Variants in PLEKHG6 observed in about 807,000 individuals in gnomAD.
PLEKHG6 encodes pleckstrin homology domain-containing family G member 6.
In PLEKHG6, 91 loss-of-function variants were observed where a neutral mutation model predicts 97.5. That is an observed-to-expected ratio of 0.93 (90% CI 0.79 to 1.11). PLEKHG6 has a LOEUF of 1.11. Among genes scored for constraint, PLEKHG6 ranks in the 50% most tolerant of loss-of-function variants. The pLI, the probability that PLEKHG6 is intolerant of heterozygous loss-of-function variation, is 0.00. For synonymous variants in PLEKHG6, 466 were observed against 425.5 expected, an observed-to-expected ratio of 1.10 and a Z score of -1.17; for missense variants, 1,044 against 1,031.0, an observed-to-expected ratio of 1.01 and a Z score of -0.17.
rs770005727 is a variant in PLEKHG6 at position 6,315,090 on chromosome 12, G to T, written c.380G>T (p.Arg127Leu). The T allele has an allele frequency of 6.2e-7, 1 of 1,613,372 alleles. No homozygotes were observed. The highest frequency in any genetic ancestry group is 1.3e-5 in the African/African-American group (1 of 74,920). Reference sequence around the variant, plus strand: ...CCCCGGCTGCCCCCTGAGGACCGGCGGCACTGGGAGATAGGAGAGGGTGGC... The same window carrying T: ...CCCCGGCTGCCCCCTGAGGACCGGCTGCACTGGGAGATAGGAGAGGGTGGC... ...GMPRLPPEDR[R>L]HWEIGEGGDS... The change falls in exon 4 of 16, where the codon CGG becomes CTG. Residue 127 changes from arginine (R) to leucine (L), a missense_variant. Coordinates refer to ENST00000684764, the MANE Select transcript of PLEKHG6 (RefSeq NM_001384598.1). The surrounding 1 kb of genome is among the most constrained non-coding windows in gnomAD (Gnocchi z 4.5).
At chr12:6,324,935 C>T (rs914905747) in intron 13 of PLEKHG6, among the ~76,000 whole-genome samples, 44 of 152,298 alleles carry the variant, frequency 2.9e-4, no homozygotes, top group African/African-American at 1.0e-3. Context: ...ACTAGAGGTC[C>T]TCTGCTGTGC....
chr12:6,324,299 C>CG (rs1555105543), intron 13 of PLEKHG6, among the ~76,000 whole-genome samples: 4 of 147,518 alleles, frequency 2.7e-5, no homozygotes, highest in African/African-American at 5.0e-5. Flanking sequence ...CCCTCCCCCC[C>CG]CCGCCGCCTC....
At chr12:6,314,260 T>C (rs181505962) in intron 3 of PLEKHG6, among the ~76,000 whole-genome samples, 22 of 152,216 alleles carry the variant, frequency 1.4e-4, no homozygotes, top group African/African-American at 5.1e-4. Flanking sequence ...CCCAGCACTT[T>C]GGGAGGCCAA....
chr12:6,328,142 A>G lies in PLEKHG6; in HGVS notation c.2370A>G (p.Val790=), dbSNP rs754130282. The change falls in exon 16 of 16, where the codon GTA becomes GTG. Residue 790 remains valine (V), a synonymous_variant. Transcript: ENST00000684764. Reference sequence around the variant, plus strand: ...CCCCCTCCTGTCTTTTCAGAGAGGTATGAGGAATGCAGAGGACCTTTGGCA... The same window carrying G: ...CCCCCTCCTGTCTTTTCAGAGAGGTGTGAGGAATGCAGAGGACCTTTGGCA... The part of the protein sequence containing the change: ...QLDTPLSASE[V] 1 of 1,614,056 alleles carries G rather than the reference A, an allele frequency of 6.2e-7. No homozygotes were observed. Among genetic ancestry groups the G allele is most frequent in the Non-Finnish European group, 8.5e-7 (1 of 1,179,928 alleles).
chr12:6,313,536 C>T, intron 2 of PLEKHG6, 93 bp from the exon 3 acceptor site: 2 of 1,448,482 alleles, frequency 1.4e-6, no homozygotes, highest in Non-Finnish European at 1.9e-6. Flanking sequence ...GGTGGGGGAA[C>T]AACATCTAGA....
Position 6,316,171 on chromosome 12 carries a change from C to G in PLEKHG6, c.607-84C>G. 1 of 1,368,174 alleles carries G rather than the reference C, an allele frequency of 7.3e-7. No individual in the cohort carries two copies. The highest frequency in any genetic ancestry group is 1.5e-5 in the African/African-American group (1 of 68,732). The allele number at this position is 1,368,174 out of a possible 1,614,324, so 84.8% of individuals were successfully genotyped here. On this transcript the variant is annotated intron_variant, in intron 6 of 15. Coordinates refer to ENST00000684764, the MANE Select transcript of PLEKHG6 (RefSeq NM_001384598.1). This position sits in a 1 kb window ranked among gnomAD's most constrained non-coding sequence, Gnocchi z 4.1. ...TTCACCCCCGCCCCTGCTGTCCAAGCTTAAGGTCCTCACCTTTCCTCAGCC... is the reference window on the plus strand; with the variant it reads ...TTCACCCCCGCCCCTGCTGTCCAAGGTTAAGGTCCTCACCTTTCCTCAGCC...
At chr12:6,322,995 G>T (rs537301327) in intron 13 of PLEKHG6, among the ~76,000 whole-genome samples, 1 of 152,354 alleles carries the variant, frequency 6.6e-6, no homozygotes, top group African/African-American at 2.4e-5. Context: ...AACTCCCCAG[G>T]ATAGCCAGTG....
rs1947916456 is a variant in PLEKHG6 at position 6,327,731 on chromosome 12, AG to A, written c.2149del (p.Glu717LysfsTer7). 1 of 1,553,356 alleles carries A rather than the reference AG, an allele frequency of 6.4e-7. No individual in the cohort carries two copies. Among genetic ancestry groups the A allele is most frequent in the Admixed American group, 2.0e-5 (1 of 49,364 alleles). ...SPWESSGEEE[E>X]EGPLFLKAGH... The stretch of plus-strand genomic sequence containing the variant: ...CCTGGGAGTCCTCAGGGGAGGAGGA[AG>A]AAGAGGGGCCTCTGTTCCTGAAAGC... On this transcript the variant is annotated frameshift_variant, in exon 15 of 16. Coordinates refer to ENST00000684764, the MANE Select transcript of PLEKHG6 (RefSeq NM_001384598.1). LOFTEE classifies it high-confidence loss of function.
Position 6,319,666 on chromosome 12 carries a change from C to A in PLEKHG6, c.1524+558C>A, listed in dbSNP as rs1459695949. Reference sequence around the variant, plus strand: ...CTGGGAGAGCCCAAGATACAGCATCCCCTGAAGGTTTGTACAGCCTGAAAT... The same window carrying A: ...CTGGGAGAGCCCAAGATACAGCATCACCTGAAGGTTTGTACAGCCTGAAAT... On this transcript the variant is annotated intron_variant, in intron 13 of 15. Coordinates refer to ENST00000684764, the MANE Select transcript of PLEKHG6 (RefSeq NM_001384598.1). 8 of 1,534,854 alleles carry A rather than the reference C, an allele frequency of 5.2e-6. No individual in the cohort carries two copies. In the South Asian group the frequency reaches 9.5e-5, roughly 18 times the overall value.
At chr12:6,313,593 G>C (rs1291616425) in intron 2 of PLEKHG6, 36 bp from the exon 3 acceptor site, 8 of 1,611,138 alleles carry the variant, frequency 5.0e-6, no homozygotes, top group African/African-American at 2.7e-5. Flanking sequence ...TGGGGAAAGG[G>C]AGGCACCCCC....
intron 3 of PLEKHG6, among the ~76,000 whole-genome samples, chr12:6,314,067 G>A (rs1425422422): frequency 1.3e-5 from 2 of 152,218 alleles, no homozygotes; most frequent in African/African-American, 4.8e-5. Flanking sequence ...AAGTTGCTGA[G>A]AGTCAGGTAT....
In PLEKHG6 at chr12:6,317,389, C is replaced by T. The variant is rs1460223864; in HGVS notation, c.843C>T (p.Asn281=). ...MAYAREQQET[N]PLFHAFVQWC... Reference sequence around the variant, plus strand: ...ACGCCCGAGAACAGCAAGAAACTAACCCTCTCTTCCATGCCTTCGTGCAGG... The same window carrying T: ...ACGCCCGAGAACAGCAAGAAACTAATCCTCTCTTCCATGCCTTCGTGCAGG... Residue 281 remains asparagine, a synonymous_variant, in exon 8 of 16, where the codon AAC becomes AAT. Transcript: ENST00000684764. 1 of 1,613,904 alleles carries T rather than the reference C, an allele frequency of 6.2e-7. No individual in the cohort carries two copies. The highest frequency in any genetic ancestry group is 2.2e-5 in the East Asian group (1 of 44,884).
chr12:6,311,531 C>A (rs1395661342), intron 1 of PLEKHG6, among the ~76,000 whole-genome samples: 2 of 152,170 alleles, frequency 1.3e-5, no homozygotes, highest in Non-Finnish European at 2.9e-5. Flanking sequence ...TATTAGGAGA[C>A]CAGCAGAAGA....
intron 3 of PLEKHG6, among the ~76,000 whole-genome samples, chr12:6,314,097 C>A (rs1310749628): frequency 2.6e-5 from 4 of 152,196 alleles, no homozygotes; most frequent in Non-Finnish European, 4.4e-5. Flanking sequence ...ATCCTCAGTG[C>A]CACATCATCC....
intron 13 of PLEKHG6, among the ~76,000 whole-genome samples, chr12:6,325,886 G>A (rs1214776774): frequency 2.6e-5 from 4 of 152,080 alleles, no homozygotes; most frequent in South Asian, 2.1e-4. Context: ...ACCAAATCCC[G>A]GCACCACCCC....
chr12:6,312,445 C>T, intron 2 of PLEKHG6, 81 bp downstream of exon 2: 1 of 1,422,600 alleles, frequency 7.0e-7, no homozygotes, highest in Non-Finnish European at 9.5e-7. Context: ...TGTCCCCTTA[C>T]AGGTTCAGAG....
At chr12:6,311,138 G>T (rs969560224) in intron 1 of PLEKHG6, 31 of 152,226 alleles carry the variant, frequency 2.0e-4, no homozygotes, top group African/African-American at 5.5e-4. Flanking sequence ...CCCGGTCGGG[G>T]CACAAACACC....
chr12:6,313,873 A>T, intron 3 of PLEKHG6, 89 bp downstream of exon 3: 2 of 1,258,416 alleles, frequency 1.6e-6, no homozygotes, highest in Non-Finnish European at 1.1e-6. Context: ...GGAGCTGAGA[A>T]CACAGGTCCA....
At chr12:6,328,027 G>T (rs1051147084) in intron 15 of PLEKHG6, 81 bp downstream of exon 15, 9 of 1,575,670 alleles carry the variant, frequency 5.7e-6, no homozygotes, top group South Asian at 2.3e-5. Flanking sequence ...TAGAAAGAGG[G>T]CAAAGCAGGA....
Sources: allele counts gnomAD v4.1 joint callset (sites outside exome capture counted in the v4.1 genomes callset), GRCh38; gene constraint gnomAD v4.1.1; non-coding constraint Gnocchi (gnomAD v3.1); transcripts MANE v1.5; gene names NCBI Gene and HGNC (gene_info 2026-07-23, HGNC 2026-07-21).